The following COL6A1 variants were observed in gnomAD, a reference collection of about 807,000 sequenced individuals.
The protein encoded by COL6A1 is collagen alpha-1(VI) chain.
COL6A1 carries 80 observed loss-of-function variants against 145.6 expected under a neutral mutation model. That is an observed-to-expected ratio of 0.55 (90% CI 0.46 to 0.66). The LOEUF is 0.66. Ranked by LOEUF, COL6A1 falls within the 30% of genes least tolerant of loss-of-function variation. The pLI, the probability that COL6A1 is intolerant of heterozygous loss-of-function variation, is 0.00. For missense variants in COL6A1, 1,364 were observed against 1,473.8 expected (o/e 0.93, Z 1.22); for synonymous variants, 638 against 622.8 (o/e 1.02, Z -0.36).
chr21:45,991,467 T>TG (rs1482607674), intron 15 of COL6A1, among the ~76,000 whole-genome samples: 1 of 131,962 alleles, frequency 7.6e-6, no homozygotes, highest in Non-Finnish European at 1.7e-5. Flanking sequence ...GGTGAGCGGG[T>TG]GGGAGGGCGA....
rs372487551 is a variant in COL6A1 at position 45,994,256 on chromosome 21, C to T, written c.1398+27C>T. On this transcript the variant is annotated intron_variant, in intron 20 of 34. Coordinates refer to ENST00000361866, the MANE Select transcript of COL6A1 (RefSeq NM_001848.3). The surrounding 1 kb of genome is among the most constrained non-coding windows in gnomAD (Gnocchi z 6.8). ...TAGGAAGCGCTGTGGGGTTGGGGGGCGTTGGCCAATTTGGGTTTTGGGGGT... is the reference window on the plus strand; with the variant it reads ...TAGGAAGCGCTGTGGGGTTGGGGGGTGTTGGCCAATTTGGGTTTTGGGGGT... 2.5e-5 allele frequency: 40 copies of T among 1,599,702 alleles called. No homozygotes were observed. Among genetic ancestry groups the T allele is most frequent in the Admixed American group, 5.2e-5 (3 of 57,596 alleles).
intron 1 of COL6A1, among the ~76,000 whole-genome samples, chr21:45,982,157 T>G (rs1234933946): frequency 4.7e-5 from 7 of 150,446 alleles, no homozygotes; most frequent in Non-Finnish European, 8.9e-5. Context: ...TTCAGCATTC[T>G]CAGCGGGGCC....
intron 24 of COL6A1, among the ~76,000 whole-genome samples, chr21:45,998,670 C>G (rs1011090852): frequency 6.6e-6 from 1 of 152,178 alleles, no homozygotes; most frequent in African/African-American, 2.4e-5. Flanking sequence ...CCTGACTGCC[C>G]GGTGACCGAT....
chr21:45,985,608 C>A (rs999065807), intron 3 of COL6A1, among the ~76,000 whole-genome samples: 1 of 152,240 alleles, frequency 6.6e-6, no homozygotes, highest in African/African-American at 2.4e-5. Context: ...GACGCAGGGG[C>A]CGCAAGCCCC....
rs534255850 is a variant in COL6A1, at chr21:45,989,795, C to T, written c.930+17C>T. ...GGGGAGAAGGTGAGTGAGGCTCGAC[C>T]TCGGAGCTGGTCTCTCCAGGCGCAG... On this transcript the variant is annotated intron_variant, in intron 11 of 34. Coordinates refer to ENST00000361866, the MANE Select transcript of COL6A1 (RefSeq NM_001848.3). 1 of 1,612,776 alleles carries T rather than the reference C, an allele frequency of 6.2e-7. No homozygotes were observed. Among genetic ancestry groups the T allele is most frequent in the Non-Finnish European group, 8.5e-7 (1 of 1,179,980 alleles).
At chr21:45,983,680 T>C (rs985975422) in intron 2 of COL6A1, among the ~76,000 whole-genome samples, 7 of 151,996 alleles carry the variant, frequency 4.6e-5, no homozygotes, top group Admixed American at 2.6e-4. Flanking sequence ...TGGCTGTGGA[T>C]GGCACCGGGG....
At chr21:45,993,018 G>C (rs1478247935) in intron 19 of COL6A1, among the ~76,000 whole-genome samples, 2 of 152,258 alleles carry the variant, frequency 1.3e-5, no homozygotes, top group African/African-American at 4.8e-5. Flanking sequence ...TTCATGTGAA[G>C]GCGTTGCCCG....
chr21:45,994,000 G>A (rs954770543), intron 19 of COL6A1, among the ~76,000 whole-genome samples, 167 bp from the exon 20 acceptor site: 59 of 152,332 alleles, frequency 3.9e-4, no homozygotes, highest in Admixed American at 1.6e-3. Flanking sequence ...GGCCACGCAC[G>A]TGGGCCGAGG....
chr21:45,992,031 G>C lies in COL6A1; in HGVS notation c.1141G>C (p.Glu381Gln). ...CCAGGGCGAGCCTGGAGCTGACGGGGAGGCGGGGAGACCAGGGAGCTCGGG... is the reference window on the plus strand; with the variant it reads ...CCAGGGCGAGCCTGGAGCTGACGGGCAGGCGGGGAGACCAGGGAGCTCGGG... ...GEKGEPGADG[E>Q]AGRPGSSGPS... The change falls in exon 16 of 35, where the codon GAG becomes CAG. Residue 381 changes from glutamate to glutamine, a missense_variant. Transcript: ENST00000361866. 1 of 1,603,974 alleles carries C rather than the reference G, an allele frequency of 6.2e-7. No homozygotes were observed.
Position 45,987,633 on chromosome 21 carries a change from C to T in COL6A1, c.783C>T (p.Leu261=). 1.9e-6 allele frequency: 3 copies of T among 1,611,024 alleles called. No individual in the cohort carries two copies. Among genetic ancestry groups the T allele is most frequent in the Non-Finnish European group, 2.5e-6 (3 of 1,179,332 alleles). Residue 261 remains leucine (L), a synonymous_variant, in exon 8 of 35, where the codon CTC becomes CTT. Coordinates refer to ENST00000361866, the MANE Select transcript of COL6A1 (RefSeq NM_001848.3). The part of the protein sequence containing the change: ...ECQPARGPPG[L]RGDPGFEGER... Reference sequence around the variant, plus strand: ...AGCCTGCAAGAGGACCTCCGGGGCTCCGGGGCGACCCCGGCTTTGAGGTGA... The same window carrying T: ...AGCCTGCAAGAGGACCTCCGGGGCTTCGGGGCGACCCCGGCTTTGAGGTGA...
chr21:45,981,999 GC>G, intron 1 of COL6A1, 52 bp downstream of exon 1: 1 of 1,440,096 alleles, frequency 6.9e-7, no homozygotes, highest in Non-Finnish European at 9.6e-7. Context: ...TTTGCTGCCG[GC>G]CAGGGCCAGA....
intron 1 of COL6A1, 33 bp from the exon 2 acceptor site, chr21:45,982,601 G>A (rs912888847): frequency 1.9e-6 from 3 of 1,612,332 alleles, no homozygotes; most frequent in South Asian, 1.1e-5. Flanking sequence ...TGGGGCGAGA[G>A]CTTGAAGGCC....
At chr21:45,992,711 C>T in intron 18 of COL6A1, 37 bp from the exon 19 acceptor site, 1 of 1,554,370 alleles carries the variant, frequency 6.4e-7, no homozygotes, top group Non-Finnish European at 8.7e-7. Context: ...TGAGTTCCAG[C>T]AGCTGAGGCT....
In COL6A1 at chr21:45,986,668, A is replaced by T. The variant is rs1273238821; in HGVS notation, c.571A>T (p.Ile191Phe). 6.5e-7 allele frequency: 1 copy of T among 1,548,440 alleles called. No individual in the cohort carries two copies. Among genetic ancestry groups the T allele is most frequent in the African/African-American group, 1.4e-5 (1 of 72,780 alleles). ...GGGCGTCAAAGTCTTCTCGGTGGCC[A>T]TCACACCCGACCACCTGGTAGGCAC... ...HLGVKVFSVA[I>F]TPDHLEPRLS... The change falls in exon 4 of 35, where the codon ATC becomes TTC. Residue 191 changes from isoleucine to phenylalanine, a missense_variant. Physicochemically the swap from Ile to Phe is conservative, Grantham distance 21. Around this residue, in one of 3 missense-constraint regions of COL6A1, gnomAD observed 414 missense variants for 437.6 expected, o/e 0.95. Transcript: ENST00000361866.
chr21:45,992,728 C>G lies in COL6A1; in HGVS notation c.1273-20C>G. On this transcript the variant is annotated intron_variant, in intron 18 of 34. Coordinates refer to ENST00000361866, the MANE Select transcript of COL6A1 (RefSeq NM_001848.3). ...AGTTCCAGCAGCTGAGGCTTCTCCC[C>G]TCCATGTCTCTCCACTCAGGGTGGC... The G allele has an allele frequency of 1.9e-6, 3 of 1,576,356 alleles. No individual in the cohort carries two copies. Among genetic ancestry groups the G allele is most frequent in the Non-Finnish European group, 2.6e-6 (3 of 1,160,636 alleles).
intron 4 of COL6A1, 48 bp downstream of exon 4, chr21:45,986,733 C>A (rs371721318): frequency 1.3e-6 from 2 of 1,534,772 alleles, no homozygotes; most frequent in Non-Finnish European, 1.7e-6. Flanking sequence ...CAGGGAGTGG[C>A]GGCTGCAAGG....
At chr21:45,997,024 G>A (rs571588667) in intron 20 of COL6A1, among the ~76,000 whole-genome samples, 2 of 152,280 alleles carry the variant, frequency 1.3e-5, no homozygotes, top group South Asian at 2.1e-4. Flanking sequence ...GGTGGTCTGC[G>A]GCCTGGGGAC....
chr21:45,982,778 C>T lies in COL6A1; in HGVS notation c.227+15C>T, dbSNP rs199730779. 349 of 1,611,094 alleles carry T rather than the reference C, an allele frequency of 2.2e-4. 2 individuals carry two copies. The highest frequency in any genetic ancestry group is 2.2e-3 in the South Asian group (197 of 91,076). On this transcript the variant is annotated intron_variant, in intron 2 of 34. Transcript: ENST00000361866. Reference sequence around the variant, plus strand: ...CTGAGGGACAGGTAGGAGGGACGCCCCGTGACCTTCCTCCTGTGCTTCTGG... The same window carrying T: ...CTGAGGGACAGGTAGGAGGGACGCCTCGTGACCTTCCTCCTGTGCTTCTGG...
Position 45,997,389 on chromosome 21 carries a change from T to C in COL6A1, c.1399-32T>C, listed in dbSNP as rs2839077. On this transcript the variant is annotated intron_variant, in intron 20 of 34. Coordinates refer to ENST00000361866, the MANE Select transcript of COL6A1 (RefSeq NM_001848.3). ...GAGGGCTCAGGCTGGGTGAGGCCTGTGGTCCAACGTGCCATATCCATCTCT... is the reference window on the plus strand; with the variant it reads ...GAGGGCTCAGGCTGGGTGAGGCCTGCGGTCCAACGTGCCATATCCATCTCT... The C allele has an allele frequency of 0.52, 837,516 of 1,605,044 alleles. 222,502 individuals carry two copies. The highest frequency in any genetic ancestry group is 0.71 in the Admixed American group (42,857 of 59,974).
Sources: allele counts gnomAD v4.1 joint callset (sites outside exome capture counted in the v4.1 genomes callset), GRCh38; gene constraint gnomAD v4.1.1; regional missense constraint gnomAD v4.1.1; non-coding constraint Gnocchi (gnomAD v3.1); transcripts MANE v1.5; gene names NCBI Gene and HGNC (gene_info 2026-07-23, HGNC 2026-07-21).